Variants in NXPE2 observed in about 807,000 individuals in gnomAD.
NXPE2 encodes the protein neurexophilin and PC-esterase domain family member 2, also known as NXPE family member 2.
NXPE2 carries 34 observed loss-of-function variants against 34.4 expected under a neutral mutation model. The ratio of observed to expected loss-of-function variants is 0.99; its 90% CI spans 0.75 to 1.31. The LOEUF (loss-of-function observed/expected upper bound fraction) is 1.31. Among genes scored for constraint, NXPE2 ranks in the 40% most tolerant of loss-of-function variants. The probability of loss-of-function intolerance (pLI) is 0.00; values close to 1 mark genes in which losing one functional copy is unlikely to be tolerated. For synonymous variants in NXPE2, 235 were observed against 231.3 expected (o/e 1.02, Z -0.15); for missense variants, 649 against 672.5 (o/e 0.97, Z 0.39).
chr11:114,686,146 G>A (rs1951042440), intron 2 of NXPE2, among the ~76,000 whole-genome samples: 1 of 151,828 alleles, frequency 6.6e-6, no homozygotes, highest in Admixed American at 6.6e-5. Context: ...TAGATTTAGG[G>A]AGTACATGTG....
the NXPE2 span, among the ~76,000 whole-genome samples, chr11:114,587,287 C>T: frequency 5.3e-5 from 8 of 152,316 alleles, no homozygotes; most frequent in South Asian, 1.2e-3. Context: ...GGCACCTATT[C>T]TGCCTCCAAT....
the NXPE2 span, among the ~76,000 whole-genome samples, chr11:114,801,850 G>C: frequency 6.6e-6 from 1 of 152,176 alleles, no homozygotes; most frequent in Non-Finnish European, 1.5e-5. Flanking sequence ...TAGGGGGTAG[G>C]GGCAGAGAGG....
At chr11:114,776,410 T>G in the NXPE2 span, among the ~76,000 whole-genome samples, 2 of 152,270 alleles carry the variant, frequency 1.3e-5, no homozygotes, top group African/African-American at 4.8e-5. Context: ...CGGCCTTGCC[T>G]TGCGTGAAGC....
At chr11:114,731,633 T>C in the NXPE2 span, among the ~76,000 whole-genome samples, 2 of 152,318 alleles carry the variant, frequency 1.3e-5, no homozygotes, top group African/African-American at 4.8e-5. Context: ...AAAGTTTACA[T>C]ACTGTATTGT....
the NXPE2 span, among the ~76,000 whole-genome samples, chr11:114,727,973 T>C: frequency 1.3e-5 from 2 of 152,222 alleles, no homozygotes; most frequent in South Asian, 4.1e-4. Flanking sequence ...AAGGATAAAG[T>C]CAAGGTGTTA....
At chr11:114,711,185 A>G (rs769805689), downstream of NXPE2, among the ~76,000 whole-genome samples, 1 of 152,170 alleles carries the variant, frequency 6.6e-6, no homozygotes, top group Non-Finnish European at 1.5e-5. Context: ...GAACAAAGCA[A>G]AGATGCCCAT....
the NXPE2 span, among the ~76,000 whole-genome samples, chr11:114,562,124 C>T: frequency 7.9e-5 from 12 of 152,146 alleles, no homozygotes; most frequent in African/African-American, 2.9e-4. Flanking sequence ...GATTATTGTG[C>T]TTTATGCCTC....
At chr11:114,538,176 G>A in the NXPE2 span, among the ~76,000 whole-genome samples, 3 of 152,122 alleles carry the variant, frequency 2.0e-5, no homozygotes, top group African/African-American at 7.2e-5. Context: ...GAAGAAATGG[G>A]GAAAGGATTC....
At chr11:114,511,975 C>T in the NXPE2 span, among the ~76,000 whole-genome samples, 1 of 152,172 alleles carries the variant, frequency 6.6e-6, no homozygotes, top group African/African-American at 2.4e-5. Context: ...TTACAAATTA[C>T]CCACTCTTGG....
chr11:114,570,764 G>A, the NXPE2 span: 4,392 of 525,920 alleles, frequency 8.4e-3, 172 homozygotes, highest in African/African-American at 0.076. Flanking sequence ...TTAAGTGGAA[G>A]CCCAGATTAG....
the NXPE2 span, among the ~76,000 whole-genome samples, chr11:114,783,038 G>C: frequency 6.6e-6 from 1 of 152,134 alleles, no homozygotes; most frequent in Non-Finnish European, 1.5e-5. Flanking sequence ...AATTAAGATA[G>C]CACGGGGCTA....
chr11:114,650,348 A>G, the NXPE2 span, among the ~76,000 whole-genome samples: 1 of 152,228 alleles, frequency 6.6e-6, no homozygotes, highest in African/African-American at 2.4e-5. Context: ...TCACCAGAAA[A>G]GAGGATGTCA....
chr11:114,484,199 C>A, the NXPE2 span, among the ~76,000 whole-genome samples: 10 of 152,140 alleles, frequency 6.6e-5, no homozygotes, highest in Non-Finnish European at 1.5e-4. Flanking sequence ...TCAACTCTGC[C>A]GTCCTTTCCA....
chr11:114,697,345 C>A (rs1951277238), intron 2 of NXPE2, among the ~76,000 whole-genome samples: 1 of 152,152 alleles, frequency 6.6e-6, no homozygotes, highest in South Asian at 2.1e-4. Context: ...CCAAGGAACA[C>A]CAAGGATTAC....
intron 2 of NXPE2, among the ~76,000 whole-genome samples, chr11:114,695,023 T>C (rs1350052283): frequency 1.3e-5 from 2 of 152,170 alleles, no homozygotes; most frequent in East Asian, 3.9e-4. Flanking sequence ...AATCTGGATA[T>C]GATGTAGTTG....
rs564329340 is a variant in NXPE2 at position 114,691,196 on chromosome 11, G to A, written c.133-6849G>A. ...TTACACTGGTTCCTTCTCATCTGAC[G>A]GAGTTGACACTTCTTTTCTTCCCTT... On this transcript the variant is annotated intron_variant, in intron 2 of 5. Transcript: ENST00000389586. 3.9e-5 allele frequency among the ~76,000 whole-genome samples: 6 copies of A among 152,008 alleles called. No homozygotes were observed. In the East Asian group the frequency reaches 7.7e-4, roughly 20 times the overall value.
the NXPE2 span, chr11:114,526,613 C>G: frequency 2.6e-5 from 4 of 152,216 alleles, no homozygotes; most frequent in Non-Finnish European, 4.4e-5. Flanking sequence ...GGTTCTTCCT[C>G]TCTTTCTAGG....
the NXPE2 span, among the ~76,000 whole-genome samples, chr11:114,758,397 G>A: frequency 6.6e-6 from 1 of 152,136 alleles, no homozygotes; most frequent in Non-Finnish European, 1.5e-5. Context: ...TTTAACATTG[G>A]GACTGGGAAA....
At chr11:114,466,589 G>T in the NXPE2 span, among the ~76,000 whole-genome samples, 1 of 151,770 alleles carries the variant, frequency 6.6e-6, no homozygotes, top group Non-Finnish European at 1.5e-5. Flanking sequence ...TTCATTCTAT[G>T]TGAATATTTA....
Sources: gnomAD v4.1 joint callset for allele counts (sites outside exome capture counted in the v4.1 genomes callset) on GRCh38, gnomAD v4.1.1 for gene constraint, MANE v1.5 for transcripts, NCBI Gene and HGNC (gene_info 2026-07-23, HGNC 2026-07-21) for gene names.